Variants in CD1E observed in about 807,000 individuals in gnomAD.
CD1E encodes CD1e molecule, also known as T-cell surface glycoprotein CD1e, membrane-associated.
CD1E carries 49 observed loss-of-function variants against 40.1 expected under a neutral mutation model. The ratio of observed to expected loss-of-function variants is 1.22; its 90% CI spans 0.97 to 1.55. The LOEUF (loss-of-function observed/expected upper bound fraction) is 1.55. CD1E is among the 40% of genes most tolerant of loss of function. The probability of loss-of-function intolerance (pLI) is 0.00; values close to 1 mark genes in which losing one functional copy is unlikely to be tolerated. For missense variants in CD1E, 492 were observed against 471.3 expected, an observed-to-expected ratio of 1.04 and a Z score of -0.41; for synonymous variants, 189 against 178.3, an observed-to-expected ratio of 1.06 and a Z score of -0.48.
At chr1:158,356,470 T>A in intron 4 of CD1E, 28 bp from the exon 5 acceptor site, 1 of 1,509,300 alleles carries the variant, frequency 6.6e-7, no homozygotes, top group South Asian at 1.1e-5. Flanking sequence ...TATTTTAGGG[T>A]TGGTATTCTT....
rs936561765 is a variant in CD1E at position 158,356,003 on chromosome 1, T to C, written c.802T>C (p.Tyr268His). ...CCTGCCTAATGCTGACGAGACATGG[T>C]ATCTCCGAGCAACCCTGGATGTGGC... ...DVLPNADETW[Y>H]LRATLDVAAG... is the part of the protein sequence containing the mutation. The change falls in exon 4 of 6, where the codon TAT (tyrosine) becomes CAT (histidine). Residue 268 changes from tyrosine (Y) to histidine (H), a missense_variant. By Grantham distance (83) the Tyr-to-His change is moderately conservative (BLOSUM62 2). Transcript: ENST00000368167. The C allele has an allele frequency of 1.2e-5, 20 of 1,613,928 alleles. No homozygotes were observed. Among genetic ancestry groups the C allele is most frequent in the Non-Finnish European group, 1.6e-5 (19 of 1,180,016 alleles).
chr1:158,355,895 G>A lies in CD1E; in HGVS notation c.694G>A (p.Val232Ile). 1.9e-6 allele frequency: 3 copies of A among 1,614,138 alleles called. No homozygotes were observed. The highest frequency in any genetic ancestry group is 2.5e-6 in the Non-Finnish European group (3 of 1,180,026). ...TGGCCGTCTGCAGCTTGTGTGCCATGTCTCAGGATTCTACCCAAAGCCCGT... is the reference window on the plus strand; with the variant it reads ...TGGCCGTCTGCAGCTTGTGTGCCATATCTCAGGATTCTACCCAAAGCCCGT... ...GPGRLQLVCH[V>I]SGFYPKPVWV... Residue 232 changes from valine (V) to isoleucine (I), a missense_variant, in exon 4 of 6, where the codon GTC becomes ATC. Val to Ile is a conservative substitution (Grantham distance 29). Coordinates refer to ENST00000368167, the MANE Select transcript of CD1E (RefSeq NM_030893.4).
chr1:158,353,933 T>A lies in CD1E; in HGVS notation c.-56T>A, dbSNP rs1325906444. 7.2e-7 allele frequency: 1 copy of A among 1,398,158 alleles called. No homozygotes were observed. The highest frequency in any genetic ancestry group is 2.3e-5 in the East Asian group (1 of 43,832). The allele number at this position is 1,398,158 out of a possible 1,614,324, so 86.6% of individuals were successfully genotyped here. ...GAGGGTGTGGAGAGGGGTACTGATA[T>A]CTGAATTATTAGGGCAGGTGTCCTG... On this transcript the variant is annotated 5_prime_UTR_variant, in exon 1 of 6. Transcript: ENST00000368167.
At position 158,356,090 on chromosome 1, in the gene CD1E, C is replaced by CT; in HGVS notation, c.890dup (p.Ile298AsnfsTer29). Reference sequence around the variant, plus strand: ...ACACAGCAGTCTAGGGGGCCATGATCTAATCATCCATTGGGGTGAGAAACA... The same window carrying CT: ...ACACAGCAGTCTAGGGGGCCATGATCTTAATCATCCATTGGGGTGAGAAACA... On this transcript the variant is annotated frameshift_variant, in exon 4 of 6. Coordinates refer to ENST00000368167, the MANE Select transcript of CD1E (RefSeq NM_030893.4). LOFTEE classifies it high-confidence loss of function. 1 of 1,613,686 alleles carries CT rather than the reference C, an allele frequency of 6.2e-7. No individual in the cohort carries two copies. Among genetic ancestry groups the CT allele is most frequent in the South Asian group, 1.1e-5 (1 of 91,026 alleles).
intron 2 of CD1E, among the ~76,000 whole-genome samples, 163 bp downstream of exon 2, chr1:158,354,836 A>T (rs1190135800): frequency 6.6e-6 from 1 of 151,380 alleles, no homozygotes; most frequent in South Asian, 2.1e-4. Context: ...CACCACCCAC[A>T]CTCCACCATA....
chr1:158,354,567 A>G lies in CD1E; in HGVS notation c.249A>G (p.Gly83=). ...GCTTTCTGAAGCCCTGGTCCCATGG[A>G]AACTTCAGCAAGCAGGAGCTGAAAA... is the stretch of plus-strand genomic sequence containing the variant. The part of the protein sequence containing the change: ...TIRFLKPWSH[G]NFSKQELKNL... Residue 83 remains glycine (G), a synonymous_variant, in exon 2 of 6, where the codon GGA becomes GGG. Coordinates refer to ENST00000368167, the MANE Select transcript of CD1E (RefSeq NM_030893.4). 7 of 1,614,172 alleles carry G rather than the reference A, an allele frequency of 4.3e-6. No individual in the cohort carries two copies. Among genetic ancestry groups the G allele is most frequent in the Non-Finnish European group, 5.9e-6 (7 of 1,180,038 alleles).
rs61734679 is a variant in CD1E, at chr1:158,356,101, T to C, written c.900T>C (p.His300=). Reference sequence around the variant, plus strand: ...TAGGGGGCCATGATCTAATCATCCATTGGGGTGAGAAACAGCTGAGGCTCT... The same window carrying C: ...TAGGGGGCCATGATCTAATCATCCACTGGGGTGAGAAACAGCTGAGGCTCT... ...SSLGGHDLII[H]WGGYSIFLIL... Residue 300 remains histidine (H), a synonymous_variant, in exon 4 of 6, where the codon CAT becomes CAC. Coordinates refer to ENST00000368167, the MANE Select transcript of CD1E (RefSeq NM_030893.4). 0.024 allele frequency: 38,379 copies of C among 1,613,520 alleles called. 549 individuals are homozygous for C. The highest frequency in any genetic ancestry group is 0.028 in the Non-Finnish European group (32,623 of 1,179,716).
At position 158,356,908 on chromosome 1, in the gene CD1E, C is replaced by T; in HGVS notation, c.*12C>T. 1.2e-6 allele frequency: 2 copies of T among 1,610,626 alleles called. No homozygotes were observed. The highest frequency in any genetic ancestry group is 1.1e-5 in the South Asian group (1 of 91,002). ...ACCAACTCTGGTGACATTTGCTTTA[C>T]CTTATACATAAAATCCTTGTCTGCA... On this transcript the variant is annotated 3_prime_UTR_variant, in exon 6 of 6. Coordinates refer to ENST00000368167, the MANE Select transcript of CD1E (RefSeq NM_030893.4).
Position 158,356,146 on chromosome 1 carries a change from A to C in CD1E, c.904+41A>C, listed in dbSNP as rs147118568. 2.2e-3 allele frequency: 3,502 copies of C among 1,607,500 alleles called. 65 individuals are homozygous for C. In the African/African-American group the frequency reaches 0.042, roughly 19 times the overall value. On this transcript the variant is annotated intron_variant, in intron 4 of 5. Coordinates refer to ENST00000368167, the MANE Select transcript of CD1E (RefSeq NM_030893.4). Reference sequence around the variant, plus strand: ...GGCTCTGCTGGGAAATAATGAAAATAGCCCTGGGGCTTTTGAGTGTGGGGC... The same window carrying C: ...GGCTCTGCTGGGAAATAATGAAAATCGCCCTGGGGCTTTTGAGTGTGGGGC...
Position 158,355,461 on chromosome 1 carries a change from A to G in CD1E, c.517A>G (p.Asn173Asp), listed in dbSNP as rs746636208. ...GGCCCAGAACATCTGTAAAGTGCTC[A>G]ATCGCTACCTAGATATTAAGGAAAT... ...IRAQNICKVL[N>D]RYLDIKEILQ... The change falls in exon 3 of 6, where the codon AAT (asparagine) becomes GAT (aspartate). Residue 173 changes from asparagine to aspartate, a missense_variant. Coordinates refer to ENST00000368167, the MANE Select transcript of CD1E (RefSeq NM_030893.4). 2 of 1,614,128 alleles carry G rather than the reference A, an allele frequency of 1.2e-6. No individual in the cohort carries two copies. Among genetic ancestry groups the G allele is most frequent in the South Asian group, 2.2e-5 (2 of 91,082 alleles).
rs756967535 is a variant in CD1E at position 158,354,344 on chromosome 1, A to G, written c.59-33A>G. 43 of 1,545,172 alleles carry G rather than the reference A, an allele frequency of 2.8e-5. No homozygotes were observed. The Admixed American group carries it at 8.4e-4, about 30-fold the overall frequency. On this transcript the variant is annotated intron_variant, in intron 1 of 5. Transcript: ENST00000368167. ...GGCATCACTTTTCCCATCCCTTTAC[A>G]TTCTCTCTACTTGTCATTTCCCTCT... is the stretch of plus-strand genomic sequence containing the variant.
chr1:158,354,725 C>G (rs1178693806), intron 2 of CD1E, 52 bp downstream of exon 2: 2 of 1,500,546 alleles, frequency 1.3e-6, no homozygotes, highest in South Asian at 2.5e-5. Flanking sequence ...CAACTATTTT[C>G]CAAAGTGGAA....
At position 158,355,839 on chromosome 1, in the gene CD1E, C is replaced by A; in HGVS notation, c.638C>A (p.Ala213Asp). 6.2e-7 allele frequency: 1 copy of A among 1,612,426 alleles called. No individual in the cohort carries two copies. The highest frequency in any genetic ancestry group is 8.5e-7 in the Non-Finnish European group (1 of 1,178,892). ...TTCTTCTTCCTAGTGAAGCCAGAGG[C>A]CTGGCTGTCCTGTGGCCCCAGTCCT... is the stretch of plus-strand genomic sequence containing the variant. Reference protein sequence around the residue: ...SELKRKVKPEAWLSCGPSPGP... With the variant: ...SELKRKVKPEDWLSCGPSPGP... Residue 213 changes from alanine (A) to aspartate (D), a missense_variant, in exon 4 of 6, where the codon GCC (alanine) becomes GAC (aspartate). By Grantham distance (126) the Ala-to-Asp change is moderately radical. Coordinates refer to ENST00000368167, the MANE Select transcript of CD1E (RefSeq NM_030893.4).
chr1:158,355,838 G>T lies in CD1E; in HGVS notation c.637G>T (p.Ala213Ser). 6.2e-7 allele frequency: 1 copy of T among 1,612,284 alleles called. No individual in the cohort carries two copies. The highest frequency in any genetic ancestry group is 8.5e-7 in the Non-Finnish European group (1 of 1,178,786). The change falls in exon 4 of 6, where the codon GCC becomes TCC. Residue 213 changes from alanine (A) to serine (S), a missense_variant. Ala to Ser is a moderately conservative substitution (Grantham distance 99, BLOSUM62 1). Coordinates refer to ENST00000368167, the MANE Select transcript of CD1E (RefSeq NM_030893.4). ...SELKRKVKPE[A>S]WLSCGPSPGP... Reference sequence around the variant, plus strand: ...CTTCTTCTTCCTAGTGAAGCCAGAGGCCTGGCTGTCCTGTGGCCCCAGTCC... The same window carrying T: ...CTTCTTCTTCCTAGTGAAGCCAGAGTCCTGGCTGTCCTGTGGCCCCAGTCC...
At chr1:158,356,665 T>C in intron 5 of CD1E, 63 bp from the exon 6 acceptor site, 1 of 1,578,720 alleles carries the variant, frequency 6.3e-7, no homozygotes, top group Non-Finnish European at 8.6e-7. Flanking sequence ...TTCTTTTTTT[T>C]TTTCTCTGCC....
At chr1:158,356,687 T>C (rs1447733895) in intron 5 of CD1E, 41 bp from the exon 6 acceptor site, 1 of 1,595,730 alleles carries the variant, frequency 6.3e-7, no homozygotes, top group Admixed American at 1.7e-5. Context: ...TTCCCCTTTA[T>C]TTCCTTTCTT....
chr1:158,355,258 T>C, intron 2 of CD1E, 42 bp from the exon 3 acceptor site: 1 of 1,583,360 alleles, frequency 6.3e-7, no homozygotes, highest in Non-Finnish European at 8.6e-7. Context: ...TTCTTCCTTG[T>C]CATTCTTTCC....
Position 158,355,327 on chromosome 1 carries a change from G to A in CD1E, c.383G>A (p.Gly128Asp). 6.2e-7 allele frequency: 1 copy of A among 1,613,930 alleles called. No homozygotes were observed. The highest frequency in any genetic ancestry group is 8.5e-7 in the Non-Finnish European group (1 of 1,179,922). The change falls in exon 3 of 6, where the codon GGC becomes GAC. Residue 128 changes from glycine to aspartate, a missense_variant. Physicochemically the swap from Gly to Asp is moderately conservative, Grantham distance 94. Coordinates refer to ENST00000368167, the MANE Select transcript of CD1E (RefSeq NM_030893.4). ...EYPFEIQILAGCRMNAPQIFL... is the reference protein window; with the variant it reads ...EYPFEIQILADCRMNAPQIFL... ...CCCTTCGAGATCCAGATATTAGCTG[G>A]CTGTAGAATGAATGCCCCACAAATC...
In CD1E at chr1:158,357,194, A is replaced by ATC. The variant is rs1429576201; in HGVS notation, c.*302_*303dup. 2 of 256,096 alleles carry ATC rather than the reference A, an allele frequency of 7.8e-6. No individual in the cohort carries two copies. Among genetic ancestry groups the ATC allele is most frequent in the African/African-American group, 4.4e-5 (2 of 44,952 alleles). The allele number at this position is 256,096 out of a possible 1,614,324, so 15.9% of individuals were successfully genotyped here. ...TGAACTGATCTTCACAAGCACATTC[A>ATC]TCTCTTCCTACTCTGAACAGTAGTT... is the stretch of plus-strand genomic sequence containing the variant. On this transcript the variant is annotated 3_prime_UTR_variant, in exon 6 of 6. Transcript: ENST00000368167.
Sources: allele counts gnomAD v4.1 joint callset (sites outside exome capture counted in the v4.1 genomes callset), GRCh38; gene constraint gnomAD v4.1.1; transcripts MANE v1.5; gene names NCBI Gene and HGNC (gene_info 2026-07-23, HGNC 2026-07-21).